Variants in CSMD1 observed in about 807,000 individuals in gnomAD.
The protein encoded by CSMD1 is CUB and Sushi multiple domains 1, also known as CUB and sushi domain-containing protein 1.
Under a neutral mutation model 417.5 loss-of-function variants are expected in CSMD1, and 213 were observed. The observed-to-expected ratio is 0.51, with a 90% CI of 0.46 to 0.57. The LOEUF is 0.57. Ranked by LOEUF, CSMD1 falls within the 20% of genes least tolerant of loss-of-function variation. CSMD1 has a pLI of 0.00. For synonymous variants in CSMD1, 2,862 were observed against 1,736.8 expected, an observed-to-expected ratio of 1.65 and a Z score of -16.11; for missense variants, 6,923 against 4,529.7, an observed-to-expected ratio of 1.53 and a Z score of -15.17.
chr8:3,020,486 AG>A (rs990983821), intron 51 of CSMD1, among the ~76,000 whole-genome samples: 3 of 152,098 alleles, frequency 2.0e-5, no homozygotes, highest in African/African-American at 7.2e-5. Flanking sequence ...CCTTCTGCTC[AG>A]CCTCCCAAGT....
rs73657532 is a variant in CSMD1, at chr8:2,966,561, C to G, written c.9100+9G>C. ...ACGTCTGAGTCTACCATGATGTCTG[C>G]TTACTAACTTGTGCAGTCGGGAGCA... On this transcript the variant is annotated intron_variant, in intron 58 of 69. Transcript: ENST00000635120. The G allele has an allele frequency of 0.13, 211,559 of 1,609,528 alleles. 16,205 individuals are homozygous for G. The highest frequency in any genetic ancestry group is 0.31 in the African/African-American group (23,393 of 74,810).
chr8:4,298,208 A>C (rs1797789975), intron 3 of CSMD1, among the ~76,000 whole-genome samples: 1 of 152,198 alleles, frequency 6.6e-6, no homozygotes, highest in African/African-American at 2.4e-5. Context: ...GAAGTTTCCA[A>C]AATAATGCCA....
At chr8:4,768,661 A>G (rs986718445) in intron 1 of CSMD1, among the ~76,000 whole-genome samples, 2 of 152,180 alleles carry the variant, frequency 1.3e-5, no homozygotes, top group Admixed American at 6.5e-5. Context: ...AGTCAATCAC[A>G]GATGGGAGGG....
At chr8:3,210,854 C>T (rs1297351333) in intron 30 of CSMD1, among the ~76,000 whole-genome samples, 1 of 151,920 alleles carries the variant, frequency 6.6e-6, no homozygotes, top group African/African-American at 2.4e-5. Context: ...AATTAAATGC[C>T]TTTTGTATTA....
At chr8:3,684,441 T>C (rs1343506423) in intron 7 of CSMD1, among the ~76,000 whole-genome samples, 5 of 150,494 alleles carry the variant, frequency 3.3e-5, no homozygotes, top group Non-Finnish European at 5.9e-5. Flanking sequence ...TGACTCATAG[T>C]ACTTAACAAT....
Position 3,816,283 on chromosome 8 carries a change from T to C in CSMD1, c.819-62241A>G, listed in dbSNP as rs376887125. Among the ~76,000 whole-genome samples, 13 of 152,338 alleles carry C rather than the reference T, an allele frequency of 8.5e-5. No homozygotes were observed. In the East Asian group the frequency reaches 1.9e-3, roughly 23 times the overall value. ...TTTTCTCCACATTAAACTAGCCAGT[T>C]GTTCCTCATTCTCTGCAGTTTCCCT... On this transcript the variant is annotated intron_variant, in intron 5 of 69. Transcript: ENST00000635120.
At chr8:4,961,502 A>G (rs575800396) in intron 1 of CSMD1, among the ~76,000 whole-genome samples, 86 of 152,264 alleles carry the variant, frequency 5.6e-4, no homozygotes, top group Admixed American at 1.8e-3. Context: ...TTCAGCACCA[A>G]TAAGTATCCA....
intron 49 of CSMD1, among the ~76,000 whole-genome samples, chr8:3,060,372 C>CTGAACTCCT (rs966870607): frequency 1.3e-5 from 2 of 152,048 alleles, no homozygotes; most frequent in East Asian, 1.9e-4. Flanking sequence ...TCTTGAACTC[C>CTGAACTCCT]TGAACTCCTT....
intron 5 of CSMD1, among the ~76,000 whole-genome samples, chr8:3,811,511 G>A (rs1022518575): frequency 6.6e-6 from 1 of 152,118 alleles, no homozygotes; most frequent in African/African-American, 2.4e-5. Context: ...TTTTAGCAGA[G>A]TTGTTCCCTG....
intron 11 of CSMD1, among the ~76,000 whole-genome samples, chr8:3,487,491 A>G (rs566938221): frequency 1.2e-4 from 18 of 152,310 alleles, no homozygotes; most frequent in East Asian, 1.2e-3. Flanking sequence ...ATGAGCCACC[A>G]TGCCCGGCCT....
intron 10 of CSMD1, among the ~76,000 whole-genome samples, chr8:3,571,366 G>A (rs1210526023): frequency 6.6e-6 from 1 of 152,130 alleles, no homozygotes; most frequent in Non-Finnish European, 1.5e-5. Flanking sequence ...AAAGAAATTG[G>A]TTCCTGAAGT....
rs190094123 is a variant in CSMD1 at position 4,856,049 on chromosome 8, G to T, written c.85+138283C>A. 3.8e-3 allele frequency among the ~76,000 whole-genome samples: 575 copies of T among 152,296 alleles called. 3 individuals are homozygous for T. Among genetic ancestry groups the T allele is most frequent in the African/African-American group, 0.013 (525 of 41,556 alleles). ...GTTACCCTCAAAAGGAAGCCCATCA[G>T]AGTAACAGCGGATCTCTCGACAGAA... On this transcript the variant is annotated intron_variant, in intron 1 of 69. Coordinates refer to ENST00000635120, the MANE Select transcript of CSMD1 (RefSeq NM_033225.6).
chr8:3,448,426 A>AGAGAGGGAG (rs1815472010), intron 12 of CSMD1, among the ~76,000 whole-genome samples: 2 of 96,098 alleles, frequency 2.1e-5, no homozygotes, highest in Admixed American at 1.2e-4. Flanking sequence ...AAGGGAAGGA[A>AGAGAGGGAG]GAAGGAGCAA....
intron 23 of CSMD1, among the ~76,000 whole-genome samples, chr8:3,309,285 ACTT>A (rs1206567770): frequency 2.0e-5 from 3 of 151,948 alleles, no homozygotes; most frequent in South Asian, 2.1e-4. Flanking sequence ...CTTCCCGACA[ACTT>A]CTTCCAAACT....
At chr8:4,375,475 C>T (rs1304702451) in intron 3 of CSMD1, among the ~76,000 whole-genome samples, 2 of 152,122 alleles carry the variant, frequency 1.3e-5, no homozygotes, top group Non-Finnish European at 2.9e-5. Context: ...GTTTTACAGT[C>T]CATCTTATGG....
chr8:4,057,001 T>C (rs1171542301), intron 3 of CSMD1, among the ~76,000 whole-genome samples: 1 of 152,212 alleles, frequency 6.6e-6, no homozygotes, highest in Admixed American at 6.5e-5. Flanking sequence ...AACATACGTG[T>C]GCATGTGTCT....
intron 25 of CSMD1, among the ~76,000 whole-genome samples, chr8:3,293,553 T>A (rs1360666487): frequency 6.6e-6 from 1 of 152,154 alleles, no homozygotes; most frequent in African/African-American, 2.4e-5. Context: ...TCTAAACTTC[T>A]CTTCTTGCTT....
intron 8 of CSMD1, among the ~76,000 whole-genome samples, chr8:3,589,290 A>G (rs1048735613): frequency 6.6e-6 from 1 of 152,126 alleles, no homozygotes; most frequent in Non-Finnish European, 1.5e-5. Context: ...CTGCACTCTC[A>G]TAGTCACTGC....
intron 1 of CSMD1, among the ~76,000 whole-genome samples, chr8:4,667,426 C>T (rs1166652417): frequency 2.0e-5 from 3 of 149,908 alleles, no homozygotes; most frequent in South Asian, 2.1e-4. Flanking sequence ...GCATTGAATC[C>T]AGAGAACAAT....
Sources: allele counts gnomAD v4.1 joint callset (sites outside exome capture counted in the v4.1 genomes callset), GRCh38; gene constraint gnomAD v4.1.1; transcripts MANE v1.5; gene names NCBI Gene and HGNC (gene_info 2026-07-23, HGNC 2026-07-21).